Variants in RND2 observed in about 807,000 individuals in gnomAD.
RND2 encodes rho-related GTP-binding protein RhoN.
RND2 carries 16 observed loss-of-function variants against 25.9 expected under a neutral mutation model. The ratio of observed to expected loss-of-function variants is 0.62; its 90% CI spans 0.42 to 0.94. The LOEUF (loss-of-function observed/expected upper bound fraction) is 0.94. Ranked by LOEUF, RND2 falls within the 40% of genes least tolerant of loss-of-function variation. The pLI is 0.00. For synonymous variants in RND2, 97 were observed against 118.1 expected (o/e 0.82, Z 1.16); for missense variants, 276 against 305.5 (o/e 0.90, Z 0.72).
chr17:43,026,012 A>C lies in RND2; in HGVS notation c.155A>C (p.Lys52Thr), dbSNP rs1272977449. 2 of 1,612,952 alleles carry C rather than the reference A, an allele frequency of 1.2e-6. No individual in the cohort carries two copies. The highest frequency in any genetic ancestry group is 1.7e-6 in the Non-Finnish European group (2 of 1,179,142). Reference protein sequence around the residue: ...ENYTASFEIDKRRIELNMWDT... With the variant: ...ENYTASFEIDTRRIELNMWDT... ...TACACTGCGAGCTTTGAGATCGACAAGCGCCGCATTGAGCTCAACATGTGG... is the reference window on the plus strand; with the variant it reads ...TACACTGCGAGCTTTGAGATCGACACGCGCCGCATTGAGCTCAACATGTGG... The change falls in exon 2 of 5, where the codon AAG (lysine) becomes ACG (threonine). Residue 52 changes from lysine to threonine, a missense_variant. Coordinates refer to ENST00000587250, the MANE Select transcript of RND2 (RefSeq NM_005440.5).
rs1451585330 is a variant in RND2, at chr17:43,025,438, G to A, written c.91G>A (p.Ala31Thr). The A allele has an allele frequency of 1.3e-6, 2 of 1,548,498 alleles. No homozygotes were observed. The highest frequency in any genetic ancestry group is 1.7e-6 in the Non-Finnish European group (2 of 1,146,050). The change falls in exon 1 of 5, where the codon GCC (alanine) becomes ACC (threonine). Residue 31 changes from alanine to threonine, a missense_variant. By Grantham distance (58) the Ala-to-Thr change is moderately conservative. Transcript: ENST00000587250. ...GCTGCTGCAGGTGTTCGCCAAGGAC[G>A]CCTATCCCGGGGTGAGGGACCTGCG... is the stretch of plus-strand genomic sequence containing the variant. ...TALLQVFAKD[A>T]YPGSYVPTVF...
rs200552198 is a variant in RND2, at chr17:43,027,342, C to T, written c.300+50C>T. ...GCTAGACTGAGGGGGACCAGACCAC[C>T]ATGGTCCTGACATAACATGGGCCAG... On this transcript the variant is annotated intron_variant, in intron 3 of 4. Coordinates refer to ENST00000587250, the MANE Select transcript of RND2 (RefSeq NM_005440.5). The T allele has an allele frequency of 3.9e-6, 5 of 1,273,184 alleles. No individual in the cohort carries two copies. In the East Asian group the frequency reaches 9.4e-5, roughly 24 times the overall value. 78.9% of individuals were successfully genotyped at this position (1,273,184 alleles called of 1,614,324 possible). A position where few individuals can be genotyped will look rare whatever the true frequency, so the allele number is the denominator to read the frequency against.
At chr17:43,025,505 AG>A (rs2050613468) in intron 1 of RND2, 56 bp downstream of exon 1, 3 of 1,492,662 alleles carry the variant, frequency 2.0e-6, no homozygotes, top group African/African-American at 1.5e-5. Context: ...GGTGGGTGAC[AG>A]GGGCCCTGGC....
At chr17:43,025,745 G>T (rs1295287738) in intron 1 of RND2, among the ~76,000 whole-genome samples, 1 of 143,292 alleles carries the variant, frequency 7.0e-6, no homozygotes, top group East Asian at 2.2e-4. Context: ...GGGCTGAAGG[G>T]ACCAGAAGGG....
At position 43,025,336 on chromosome 17, in the gene RND2, G is replaced by C; in HGVS notation, c.-12G>C. The stretch of plus-strand genomic sequence containing the variant: ...GAGGGGTGGCGTGGGGGACCGGCGC[G>C]TAGCCGGGACCATGGAGGGGCAGAG... On this transcript the variant is annotated 5_prime_UTR_variant, in exon 1 of 5. Transcript: ENST00000587250. 2 of 1,529,862 alleles carry C rather than the reference G, an allele frequency of 1.3e-6. No homozygotes were observed. Among genetic ancestry groups the C allele is most frequent in the Non-Finnish European group, 1.8e-6 (2 of 1,138,242 alleles). The allele number at this position is 1,529,862 out of a possible 1,614,324, so 94.8% of individuals were successfully genotyped here. A position where few individuals can be genotyped will look rare whatever the true frequency, so the allele number is the denominator to read the frequency against.
intron 2 of RND2, 183 bp downstream of exon 2, chr17:43,026,230 C>A: frequency 1.8e-6 from 1 of 549,502 alleles, no homozygotes; most frequent in Non-Finnish European, 3.3e-6. Flanking sequence ...CTGACAGAAA[C>A]CATGTCCTGA....
chr17:43,025,286 G>T lies in RND2; in HGVS notation c.-62G>T. The stretch of plus-strand genomic sequence containing the variant: ...CCGAGCGGCTGCAGTTGCAGGGGCG[G>T]GGGAGGCGGCGGCGGGGCCCGGGAG... On this transcript the variant is annotated 5_prime_UTR_variant, in exon 1 of 5. Coordinates refer to ENST00000587250, the MANE Select transcript of RND2 (RefSeq NM_005440.5). The T allele has an allele frequency of 7.0e-7, 1 of 1,420,378 alleles. No individual in the cohort carries two copies. Among genetic ancestry groups the T allele is most frequent in the Non-Finnish European group, 9.3e-7 (1 of 1,073,558 alleles). The allele number at this position is 1,420,378 out of a possible 1,614,324, so 88.0% of individuals were successfully genotyped here.
chr17:43,025,745 G>A (rs1295287738), intron 1 of RND2, among the ~76,000 whole-genome samples: 1 of 143,292 alleles, frequency 7.0e-6, no homozygotes, highest in African/African-American at 2.6e-5. Context: ...GGGCTGAAGG[G>A]ACCAGAAGGG....
At chr17:43,025,876 G>A (rs1349145745) in intron 1 of RND2, 84 bp from the exon 2 acceptor site, 7 of 980,380 alleles carry the variant, frequency 7.1e-6, no homozygotes, top group Non-Finnish European at 1.1e-5. Context: ...GGCTGGGCTG[G>A]ACGGGGTGTG....
Position 43,028,203 on chromosome 17 carries a change from C to G in RND2, c.435+8C>G. ...CCTGTTACACATGAGCAGGTGGGAC[C>G]CTTGACGTCTGACCTCATCCCAGCC... On this transcript the variant is annotated splice_region_variant and intron_variant, in intron 4 of 4. Transcript: ENST00000587250. 6.2e-7 allele frequency: 1 copy of G among 1,614,060 alleles called. No individual in the cohort carries two copies. Among genetic ancestry groups the G allele is most frequent in the Middle Eastern group, 1.6e-4 (1 of 6,062 alleles).
intron 2 of RND2, chr17:43,026,392 G>C (rs1036280358): frequency 4.2e-6 from 1 of 238,432 alleles, no homozygotes; most frequent in Non-Finnish European, 8.5e-6. Context: ...GCTCACGCCT[G>C]TAATCCTAGC....
Position 43,025,447 on chromosome 17 carries a change from G to A in RND2, c.100G>A (p.Gly34Arg). ...GGTGTTCGCCAAGGACGCCTATCCC[G>A]GGGTGAGGGACCTGCGTCTTGGGAG... Reference protein sequence around the residue: ...LQVFAKDAYPGSYVPTVFENY... With the variant: ...LQVFAKDAYPRSYVPTVFENY... Residue 34 changes from glycine to arginine, a missense_variant and splice_region_variant, in exon 1 of 5, where the codon GGG becomes AGG. Coordinates refer to ENST00000587250, the MANE Select transcript of RND2 (RefSeq NM_005440.5). 6.5e-7 allele frequency: 1 copy of A among 1,548,696 alleles called. No homozygotes were observed. Among genetic ancestry groups the A allele is most frequent in the Non-Finnish European group, 8.7e-7 (1 of 1,146,050 alleles).
chr17:43,029,034 C>T lies in RND2; in HGVS notation c.*354C>T, dbSNP rs570789366. The T allele has an allele frequency of 1.1e-5, 3 of 275,738 alleles. No homozygotes were observed. The South Asian group carries it at 1.6e-4, about 15-fold the overall frequency. The allele number at this position is 275,738 out of a possible 1,614,324, so 17.1% of individuals were successfully genotyped here. A position where few individuals can be genotyped will look rare whatever the true frequency, so the allele number is the denominator to read the frequency against. On this transcript the variant is annotated 3_prime_UTR_variant, in exon 5 of 5. Transcript: ENST00000587250. The stretch of plus-strand genomic sequence containing the variant: ...CCAGTCCCCATATCCTGGTTCTGGC[C>T]CAAGGAAAATGTCCATTCTATGACC...
In RND2 at chr17:43,028,700, G is replaced by C. The variant is rs202120463; in HGVS notation, c.*20G>C. 2 of 1,539,692 alleles carry C rather than the reference G, an allele frequency of 1.3e-6. No individual in the cohort carries two copies. Among genetic ancestry groups the C allele is most frequent in the East Asian group, 4.9e-5 (2 of 41,032 alleles). ...ATGTGAGGGGCTAGGAGAGGGCAGA[G>C]TGTGAAGAGGGGTGGTGAGGGACAC... On this transcript the variant is annotated 3_prime_UTR_variant, in exon 5 of 5. Transcript: ENST00000587250.
At chr17:43,026,199 C>G in intron 2 of RND2, 152 bp downstream of exon 2, 1 of 574,770 alleles carries the variant, frequency 1.7e-6, no homozygotes. Context: ...TCCAGGGAAA[C>G]TGAGGTAGAA....
rs2050618168 is a variant in RND2 at position 43,025,832 on chromosome 17, C to T, written c.103-128C>T. ...GGGGGCAGGAGCTCCCGGGATCTCCCCTTTGCCCAATCCCAGACCAACTTG... is the reference window on the plus strand; with the variant it reads ...GGGGGCAGGAGCTCCCGGGATCTCCTCTTTGCCCAATCCCAGACCAACTTG... On this transcript the variant is annotated intron_variant, in intron 1 of 4. Coordinates refer to ENST00000587250, the MANE Select transcript of RND2 (RefSeq NM_005440.5). 5 of 306,640 alleles carry T rather than the reference C, an allele frequency of 1.6e-5. No individual in the cohort carries two copies. The South Asian group carries it at 1.8e-4, about 11-fold the overall frequency. The allele number at this position is 306,640 out of a possible 1,614,324, so 19.0% of individuals were successfully genotyped here.
chr17:43,025,497 T>C (rs1286225122), intron 1 of RND2, 48 bp downstream of exon 1: 3 of 801,782 alleles, frequency 3.7e-6, no homozygotes, highest in African/African-American at 3.0e-5. Flanking sequence ...TGCTGGGGGG[T>C]GGGTGACAGG....
In RND2 at chr17:43,028,177, C is replaced by T. The variant is rs1334212006; in HGVS notation, c.417C>T (p.Ile139=). The part of the protein sequence containing the change: ...TLRELSKQRL[I]PVTHEQGTVL... The stretch of plus-strand genomic sequence containing the variant: ...GGGAGCTGTCCAAGCAGAGGCTTAT[C>T]CCTGTTACACATGAGCAGGTGGGAC... The change falls in exon 4 of 5, where the codon ATC becomes ATT. Residue 139 remains isoleucine (I), a synonymous_variant. Transcript: ENST00000587250. The T allele has an allele frequency of 1.2e-6, 2 of 1,614,168 alleles. No homozygotes were observed. Among genetic ancestry groups the T allele is most frequent in the Admixed American group, 1.7e-5 (1 of 60,028 alleles).
chr17:43,025,233 G>C lies in RND2; in HGVS notation c.-115G>C. 2.4e-6 allele frequency: 2 copies of C among 832,400 alleles called. No individual in the cohort carries two copies. Among genetic ancestry groups the C allele is most frequent in the African/African-American group, 1.8e-5 (1 of 54,598 alleles). The allele number at this position is 832,400 out of a possible 1,614,324, so 51.6% of individuals were successfully genotyped here. A position where few individuals can be genotyped will look rare whatever the true frequency, so the allele number is the denominator to read the frequency against. On this transcript the variant is annotated 5_prime_UTR_variant, in exon 1 of 5. Coordinates refer to ENST00000587250, the MANE Select transcript of RND2 (RefSeq NM_005440.5). ...CGGACCCGGGGCGGGGGCTCGGCGC[G>C]GGCCCGCGAGATGCCGGTGTTGGCG...
Sources: allele counts gnomAD v4.1 joint callset (sites outside exome capture counted in the v4.1 genomes callset), GRCh38; gene constraint gnomAD v4.1.1; transcripts MANE v1.5; gene names NCBI Gene and HGNC (gene_info 2026-07-23, HGNC 2026-07-21).